Variants in ZNF320 observed in about 807,000 individuals in gnomAD.
ZNF320 encodes the protein zinc finger protein 320, also known as zinc finger gene 320.
In ZNF320, 2 loss-of-function variants were observed where a neutral mutation model predicts 6.8. That is an observed-to-expected ratio of 0.29 (90% CI 0.12 to 0.93). The LOEUF (loss-of-function observed/expected upper bound fraction) is 0.93. Ranked by LOEUF, ZNF320 falls within the 40% of genes least tolerant of loss-of-function variation. ZNF320 has a pLI of 0.55. For synonymous variants in ZNF320, 208 were observed against 203.2 expected, an observed-to-expected ratio of 1.02 and a Z score of -0.20; for missense variants, 472 against 611.0, an observed-to-expected ratio of 0.77 and a Z score of 2.40.
At chr19:52,903,014 CCA>C in the ZNF320 span, among the ~76,000 whole-genome samples, 1 of 152,114 alleles carries the variant, frequency 6.6e-6, no homozygotes, top group Non-Finnish European at 1.5e-5. Flanking sequence ...AGGTAAAAAT[CCA>C]CATTCTTATG....
upstream of ZNF320, chr19:52,897,698 A>T (rs780850397): frequency 2.0e-5 from 3 of 152,640 alleles, no homozygotes; most frequent in Admixed American, 1.3e-4. Flanking sequence ...GGTCTATGCC[A>T]ATCAGCGCAG....
Position 52,877,134 on chromosome 19 carries a change from T to C in ZNF320, c.*3462A>G, listed in dbSNP as rs1183623988. 1 of 152,260 alleles carries C rather than the reference T, an allele frequency of 6.6e-6. No individual in the cohort carries two copies. Among genetic ancestry groups the C allele is most frequent in the African/African-American group, 2.4e-5 (1 of 41,440 alleles). The allele number at this position is 152,260 out of a possible 1,614,324, so 9.4% of individuals were successfully genotyped here. A position where few individuals can be genotyped will look rare whatever the true frequency, so the allele number is the denominator to read the frequency against. ...TAGAAATGAAGAAAAAGGAAACACA[T>C]GCGTCCTGGGTCTGGGGACAGGGAG... is the stretch of plus-strand genomic sequence containing the variant. On this transcript the variant is annotated 3_prime_UTR_variant, in exon 6 of 6. Transcript: ENST00000682928.
downstream of ZNF320, among the ~76,000 whole-genome samples, chr19:52,873,449 T>C (rs1272652553): frequency 6.6e-6 from 1 of 152,246 alleles, no homozygotes; most frequent in African/African-American, 2.4e-5. Flanking sequence ...CATTAAATCT[T>C]GATTCAACAC....
intron 5 of ZNF320, among the ~76,000 whole-genome samples, chr19:52,864,525 A>G (rs2063510517): frequency 6.6e-6 from 1 of 152,122 alleles, no homozygotes; most frequent in Admixed American, 6.6e-5. Flanking sequence ...AGGGCCAGCC[A>G]TAGTGGCTCA....
rs1366675167 is a variant in ZNF320, at chr19:52,876,869, G to A, written c.*3727C>T. 2.6e-5 allele frequency: 4 copies of A among 151,130 alleles called. No homozygotes were observed. The highest frequency in any genetic ancestry group is 4.4e-5 in the Non-Finnish European group (3 of 68,032). The allele number at this position is 151,130 out of a possible 1,614,324, so 9.4% of individuals were successfully genotyped here. ...TGGCTGTAATCCCAGCACCTTGGGA[G>A]GCCAATACGGCTGGATCGCTTGAGC... On this transcript the variant is annotated 3_prime_UTR_variant, in exon 6 of 6. Transcript: ENST00000682928.
chr19:52,899,893 A>C (rs115643479), upstream of ZNF320, among the ~76,000 whole-genome samples: 1,129 of 152,266 alleles, frequency 7.4e-3, 12 homozygotes, highest in African/African-American at 0.025. Context: ...GGGTTCGATA[A>C]CCTCATGAGC....
downstream of ZNF320, among the ~76,000 whole-genome samples, chr19:52,871,995 A>G (rs1326600178): frequency 2.6e-5 from 4 of 152,108 alleles, no homozygotes; most frequent in Admixed American, 2.6e-4. Flanking sequence ...TCCCTCCATC[A>G]TTCTGTACAT....
At position 52,870,576 on chromosome 19, in the gene ZNF320, T is replaced by C. The variant is rs186582252; in HGVS notation, c.223+3416A>G. Among the ~76,000 whole-genome samples the C allele has an allele frequency of 8.6e-5, 13 of 151,922 alleles. No individual in the cohort carries two copies. The East Asian group carries it at 2.3e-3, about 27-fold the overall frequency. ...TTGTGTTTTCTACATAAACCATAGG[T>C]TTATCCATCCATGTATTTATGCACA... On this transcript the variant is annotated intron_variant, in intron 5 of 5. Coordinates refer to the ZNF320 transcript ENST00000673631.
chr19:52,870,208 C>T (rs1235894987), intron 5 of ZNF320, among the ~76,000 whole-genome samples: 3 of 151,720 alleles, frequency 2.0e-5, no homozygotes, highest in African/African-American at 4.8e-5. Flanking sequence ...TAGCCAGGTG[C>T]GGTGGCTCAC....
At chr19:52,863,927 C>A in exon 6 of ZNF320, 1 of 364,302 alleles carries the variant, frequency 2.7e-6, no homozygotes. Flanking sequence ...CAGCTGTGTA[C>A]ATCAAAAGCA....
chr19:52,886,977 A>AGAAAGAAGGAAG (rs2064103353), intron 5 of ZNF320, among the ~76,000 whole-genome samples: 3 of 123,152 alleles, frequency 2.4e-5, no homozygotes, highest in Admixed American at 8.2e-5. Flanking sequence ...AAAGAAAGAA[A>AGAAAGAAGGAAG]GAAGGAAGGA....
At chr19:52,904,226 T>A in the ZNF320 span, among the ~76,000 whole-genome samples, 1 of 152,224 alleles carries the variant, frequency 6.6e-6, no homozygotes, top group Admixed American at 6.5e-5. Flanking sequence ...TGGGGCAATT[T>A]CCTACCCAGG....
At chr19:52,901,999 C>T (rs1600671245), upstream of ZNF320, among the ~76,000 whole-genome samples, 2 of 146,648 alleles carry the variant, frequency 1.4e-5, no homozygotes, top group Non-Finnish European at 1.5e-5. Flanking sequence ...ATGAGTTTTT[C>T]TTTTTTTTTT....
intron 5 of ZNF320, among the ~76,000 whole-genome samples, chr19:52,865,796 CA>C (rs2063548486): frequency 8.5e-6 from 1 of 117,764 alleles, no homozygotes; most frequent in African/African-American, 3.5e-5. Flanking sequence ...TGATTATACA[CA>C]TATATTTATA....
At chr19:52,902,190 T>G (rs560254867), upstream of ZNF320, among the ~76,000 whole-genome samples, 1 of 152,334 alleles carries the variant, frequency 6.6e-6, no homozygotes, top group African/African-American at 2.4e-5. Context: ...CTTTCAGGTC[T>G]CCAAGGAATG....
chr19:52,878,048 A>G lies in ZNF320; in HGVS notation c.*2548T>C. 5.8e-6 allele frequency: 1 copy of G among 171,150 alleles called. No homozygotes were observed. Among genetic ancestry groups the G allele is most frequent in the East Asian group, 1.5e-4 (1 of 6,484 alleles). 10.6% of individuals were successfully genotyped at this position (171,150 alleles called of 1,614,324 possible). ...AATACATTCTCAATAAAACATGTCC[A>G]ACTCTCCAGATAGTGGTGACATTTT... is the stretch of plus-strand genomic sequence containing the variant. On this transcript the variant is annotated 3_prime_UTR_variant, in exon 6 of 6. Coordinates refer to ENST00000682928, the MANE Select transcript of ZNF320 (RefSeq NM_001351774.2).
chr19:52,862,338 A>AC (rs1252936098), exon 6 of ZNF320: 22 of 522,122 alleles, frequency 4.2e-5, no homozygotes, highest in Non-Finnish European at 8.2e-5. Context: ...CTTATCACAA[A>AC]CCTTACATTT....
At chr19:52,900,452 C>T (rs896973850), upstream of ZNF320, among the ~76,000 whole-genome samples, 8 of 152,138 alleles carry the variant, frequency 5.3e-5, no homozygotes, top group South Asian at 2.1e-4. Context: ...AACTAATTCT[C>T]GGGCTTCCTA....
exon 6 of ZNF320, chr19:52,862,253 C>T: frequency 1.5e-6 from 1 of 679,286 alleles, no homozygotes; most frequent in Non-Finnish European, 2.5e-6. Context: ...CTTTGCCACA[C>T]TCATTACACT....
Sources: allele counts gnomAD v4.1 joint callset (sites outside exome capture counted in the v4.1 genomes callset), GRCh38; gene constraint gnomAD v4.1.1; transcripts MANE v1.5; gene names NCBI Gene and HGNC (gene_info 2026-07-23, HGNC 2026-07-21).